COL21A1: variants seen among roughly 807,000 people sequenced by gnomAD.
COL21A1 encodes collagen alpha-1(XXI) chain.
A neutral mutation model predicts 137.9 loss-of-function variants in COL21A1; 149 were observed. The ratio of observed to expected loss-of-function variants is 1.08; its 90% CI spans 0.95 to 1.24. The LOEUF (loss-of-function observed/expected upper bound fraction) is 1.24, where lower values mean the gene tolerates loss of function less well. Ranked by LOEUF, COL21A1 falls within the 50% of genes most tolerant of loss-of-function variation. The pLI is 0.00. For missense variants in COL21A1, 1,167 were observed against 1,158.4 expected, an observed-to-expected ratio of 1.01 and a Z score of -0.11; for synonymous variants, 456 against 391.5, an observed-to-expected ratio of 1.16 and a Z score of -1.95.
At chr6:56,353,155 C>T (rs540856059) in intron 1 of COL21A1, among the ~76,000 whole-genome samples, 5 of 152,172 alleles carry the variant, frequency 3.3e-5, no homozygotes, top group African/African-American at 9.7e-5. Flanking sequence ...ATTTTGCTCC[C>T]TATGAACATG....
intron 5 of COL21A1, among the ~76,000 whole-genome samples, chr6:56,169,966 A>G (rs2764044): frequency 0.017 from 2,648 of 151,998 alleles, 74 homozygotes; most frequent in African/African-American, 0.061. Context: ...TATATATATT[A>G]CCATATATAT....
intron 1 of COL21A1, among the ~76,000 whole-genome samples, chr6:56,370,613 C>T (rs2294697): frequency 0.21 from 31,755 of 152,160 alleles, 3,901 homozygotes; most frequent in Middle Eastern, 0.33. Flanking sequence ...GGCAAAGCTG[C>T]TCCCTATGAT....
chr6:56,267,770 AAAGAAGAAG>A (rs1200291450), intron 1 of COL21A1, among the ~76,000 whole-genome samples: 2 of 125,850 alleles, frequency 1.6e-5, no homozygotes, highest in African/African-American at 5.7e-5. Flanking sequence ...AAAAAAAAAA[AAAGAAGAAG>A]AAGAAGAAGA....
At chr6:56,262,705 C>T (rs1313053183) in intron 1 of COL21A1, among the ~76,000 whole-genome samples, 1 of 152,070 alleles carries the variant, frequency 6.6e-6, no homozygotes, top group Non-Finnish European at 1.5e-5. Context: ...AAGCTACAAA[C>T]TTACAGGAAA....
chr6:56,169,769 C>T (rs887095213), intron 5 of COL21A1, among the ~76,000 whole-genome samples: 30 of 151,986 alleles, frequency 2.0e-4, no homozygotes, highest in Admixed American at 1.8e-3. Flanking sequence ...ACTCCACTAA[C>T]ACTTTGTACT....
intron 1 of COL21A1, among the ~76,000 whole-genome samples, chr6:56,215,807 T>C (rs1432437493): frequency 5.3e-5 from 8 of 152,106 alleles, no homozygotes; most frequent in Non-Finnish European, 8.8e-5. Context: ...GAAAAACAAG[T>C]GATTGTTATG....
At chr6:56,363,103 G>T (rs960768119) in intron 1 of COL21A1, among the ~76,000 whole-genome samples, 1 of 152,170 alleles carries the variant, frequency 6.6e-6, no homozygotes. Flanking sequence ...CCTTCAAAAT[G>T]AGTGTCCTAC....
At chr6:56,059,300 T>C in intron 28 of COL21A1, 58 bp from the exon 29 acceptor site, 1 of 1,223,792 alleles carries the variant, frequency 8.2e-7, no homozygotes, top group South Asian at 1.5e-5. Context: ...TCTAGATTGT[T>C]TCATTCAAAG....
chr6:56,250,753 C>T (rs1163315413), upstream of COL21A1, among the ~76,000 whole-genome samples: 1 of 152,162 alleles, frequency 6.6e-6, no homozygotes, highest in East Asian at 1.9e-4. Flanking sequence ...CAACAGAAAA[C>T]TAATGCAGTT....
intron 1 of COL21A1, among the ~76,000 whole-genome samples, chr6:56,353,026 C>T (rs1380104154): frequency 2.6e-5 from 4 of 151,634 alleles, no homozygotes; most frequent in Admixed American, 6.6e-5. Flanking sequence ...GGCCACAGAG[C>T]GAGACTCTGT....
At chr6:56,150,803 A>C (rs1391227306) in intron 10 of COL21A1, among the ~76,000 whole-genome samples, 1 of 152,120 alleles carries the variant, frequency 6.6e-6, no homozygotes, top group East Asian at 1.9e-4. Flanking sequence ...CCATCTTCTC[A>C]TTTTCCAAAC....
At chr6:56,139,020 G>A (rs1017265732) in intron 12 of COL21A1, among the ~76,000 whole-genome samples, 4 of 152,028 alleles carry the variant, frequency 2.6e-5, no homozygotes, top group Admixed American at 6.6e-5. Context: ...TGGACACTTC[G>A]CCCATAATAA....
At chr6:56,206,718 A>ATATATATG (rs1779814442) in intron 1 of COL21A1, among the ~76,000 whole-genome samples, 1 of 19,810 alleles carries the variant, frequency 5.0e-5, no homozygotes, top group East Asian at 4.9e-3. Context: ...ATATATATAT[A>ATATATATG]TATATATATA....
chr6:56,115,769 T>A (rs1251478014), intron 16 of COL21A1, among the ~76,000 whole-genome samples: 1 of 151,976 alleles, frequency 6.6e-6, no homozygotes, highest in East Asian at 1.9e-4. Flanking sequence ...CTGTAAAAAA[T>A]TCAAGATATG....
intron 1 of COL21A1, among the ~76,000 whole-genome samples, chr6:56,343,190 G>A (rs1425264755): frequency 1.3e-5 from 2 of 152,240 alleles, no homozygotes; most frequent in East Asian, 3.9e-4. Flanking sequence ...ACCACCCAGA[G>A]AGACATGTGG....
At position 56,166,993 on chromosome 6, in the gene COL21A1, T is replaced by C. The variant is rs745852134; in HGVS notation, c.1201-10A>G. 2.5e-6 allele frequency: 4 copies of C among 1,602,776 alleles called. No individual in the cohort carries two copies. The Admixed American group carries it at 6.8e-5, about 27-fold the overall frequency. ...ACTTTTGGACATCAAACTAAGAACA[T>C]AAACCCAGTAGAATTAAAGTTGAGG... On this transcript the variant is annotated splice_polypyrimidine_tract_variant and intron_variant, in intron 6 of 29. Transcript: ENST00000244728.
At chr6:56,171,316 C>T (rs946896972) in intron 3 of COL21A1, among the ~76,000 whole-genome samples, 188 bp from the exon 4 acceptor site, 22 of 151,744 alleles carry the variant, frequency 1.4e-4, no homozygotes, top group African/African-American at 5.3e-4. Context: ...AAGTATTTTA[C>T]ACATTTAAGA....
At chr6:56,267,732 G>T (rs1763424099) in intron 1 of COL21A1, among the ~76,000 whole-genome samples, 1 of 142,244 alleles carries the variant, frequency 7.0e-6, no homozygotes, top group Non-Finnish European at 1.5e-5. Flanking sequence ...ACTCCAGCCT[G>T]GGCAACAGAG....
intron 16 of COL21A1, 53 bp from the exon 17 acceptor site, chr6:56,101,578 A>G (rs1770461161): frequency 1.6e-6 from 2 of 1,261,862 alleles, no homozygotes; most frequent in Admixed American, 4.2e-5. Context: ...AGGTCTGCTT[A>G]CCAAAATAAC....
Sources: allele counts gnomAD v4.1 joint callset (sites outside exome capture counted in the v4.1 genomes callset), GRCh38; gene constraint gnomAD v4.1.1; transcripts MANE v1.5; gene names NCBI Gene and HGNC (gene_info 2026-07-23, HGNC 2026-07-21).